Variants in NSF observed in about 807,000 individuals in gnomAD.
NSF encodes vesicle-fusing ATPase.
A neutral mutation model predicts 50.3 loss-of-function variants in NSF; 14 were observed. The observed-to-expected ratio is 0.28, with a 90% CI of 0.18 to 0.44. The LOEUF (loss-of-function observed/expected upper bound fraction) is 0.44, where lower values mean the gene tolerates loss of function less well. NSF is among the 20% of genes least tolerant of loss of function. The probability of loss-of-function intolerance (pLI) is 1.00; values close to 1 mark genes in which losing one functional copy is unlikely to be tolerated. For missense variants in NSF, 218 were observed against 504.3 expected (o/e 0.43, Z 5.44); for synonymous variants, 109 against 175.7 (o/e 0.62, Z 3.00).
intron 17 of NSF, among the ~76,000 whole-genome samples, chr17:46,747,878 G>A (rs569372171): frequency 1.3e-5 from 2 of 152,214 alleles, no homozygotes; most frequent in East Asian, 1.9e-4. Context: ...CTGAATGATT[G>A]GAATTTCCAG....
intron 18 of NSF, among the ~76,000 whole-genome samples, chr17:46,750,647 GC>G (rs751976726): frequency 4.6e-5 from 7 of 152,182 alleles, no homozygotes; most frequent in Non-Finnish European, 8.8e-5. Context: ...AATGTAGGCA[GC>G]TACAAACTGC....
chr17:46,734,637 A>G (rs972087207), intron 17 of NSF, among the ~76,000 whole-genome samples: 8 of 152,194 alleles, frequency 5.3e-5, no homozygotes, highest in African/African-American at 1.9e-4. Context: ...TAGTGAATGT[A>G]TAGTGATCAA....
At chr17:46,621,394 C>T (rs1251218694) in intron 1 of NSF, among the ~76,000 whole-genome samples, 1 of 129,534 alleles carries the variant, frequency 7.7e-6, no homozygotes, top group Admixed American at 8.0e-5. Flanking sequence ...TCACGCCTTT[C>T]TCCTGCCTCA....
chr17:46,599,925 G>T, intron 1 of NSF, among the ~76,000 whole-genome samples: 3 of 120,100 alleles, frequency 2.5e-5, no homozygotes, highest in Non-Finnish European at 3.3e-5. Flanking sequence ...ACTCTTCTTT[G>T]TATTGCTCCT....
At chr17:46,740,004 GAAT>G (rs2146318928) in intron 17 of NSF, among the ~76,000 whole-genome samples, 1 of 152,278 alleles carries the variant, frequency 6.6e-6, no homozygotes, top group African/African-American at 2.4e-5. Context: ...AAAGAAATTA[GAAT>G]AATACTTTCA....
intron 17 of NSF, 68 bp from the exon 18 acceptor site, chr17:46,749,705 C>G: frequency 7.1e-7 from 1 of 1,411,200 alleles, no homozygotes; most frequent in Non-Finnish European, 9.5e-7. Context: ...AAATTGTGTT[C>G]AAGCTTACTG....
intron 14 of NSF, chr17:46,713,332 G>A (rs1224647129): frequency 6.5e-6 from 1 of 153,186 alleles, no homozygotes; most frequent in Non-Finnish European, 1.5e-5. Context: ...TCCAAAACAG[G>A]GAAGGGAAGG....
intron 17 of NSF, among the ~76,000 whole-genome samples, chr17:46,731,375 G>A (rs1041401536): frequency 6.6e-6 from 1 of 152,066 alleles, no homozygotes; most frequent in Admixed American, 6.5e-5. Flanking sequence ...AATGGGTATG[G>A]GGTTTCTTTT....
chr17:46,754,568 ATC>A (rs2059215118), intron 19 of NSF, among the ~76,000 whole-genome samples: 1 of 152,264 alleles, frequency 6.6e-6, no homozygotes, highest in Non-Finnish European at 1.5e-5. Context: ...ATAACTTCAT[ATC>A]TCCTGTGGGC....
At chr17:46,735,311 A>T (rs1052097915) in intron 17 of NSF, among the ~76,000 whole-genome samples, 3 of 152,168 alleles carry the variant, frequency 2.0e-5, no homozygotes, top group Non-Finnish European at 2.9e-5. Flanking sequence ...GCTAGAATGT[A>T]TTCTTCCAGA....
chr17:46,680,721 AT>A (rs1248339255), intron 9 of NSF, among the ~76,000 whole-genome samples: 3 of 83,338 alleles, frequency 3.6e-5, no homozygotes, highest in Non-Finnish European at 7.1e-5. Flanking sequence ...ATCCTCTATA[AT>A]AAATTCTCTA....
intron 19 of NSF, among the ~76,000 whole-genome samples, chr17:46,753,332 A>C (rs2059202196): frequency 6.6e-6 from 1 of 152,238 alleles, no homozygotes; most frequent in African/African-American, 2.4e-5. Context: ...TGGAAACGTG[A>C]AGTGAATGCT....
At position 46,719,685 on chromosome 17, in the gene NSF, C is replaced by A. The variant is rs2058808797; in HGVS notation, c.1761+5699C>A. ...ATTTTTAAATTTTAATTCCTTTATC[C>A]ATTTTTGCATCAATACTTGTTTAAA... On this transcript the variant is annotated intron_variant, in intron 15 of 20. Transcript: ENST00000398238. This position sits in a 1 kb window ranked among gnomAD's most constrained non-coding sequence, Gnocchi z 4.3. Among the ~76,000 whole-genome samples, 1 of 152,076 alleles carries A rather than the reference C, an allele frequency of 6.6e-6. No homozygotes were observed. The highest frequency in any genetic ancestry group is 2.1e-4 in the South Asian group (1 of 4,820).
intron 1 of NSF, among the ~76,000 whole-genome samples, chr17:46,595,688 T>C (rs1035010374): frequency 2.6e-5 from 3 of 113,294 alleles, no homozygotes; most frequent in Non-Finnish European, 4.8e-5. Flanking sequence ...GACAGGGTTT[T>C]ACCACATTGG....
intron 15 of NSF, among the ~76,000 whole-genome samples, chr17:46,714,223 TAAG>T (rs1216541712): frequency 6.6e-6 from 1 of 152,220 alleles, no homozygotes; most frequent in Non-Finnish European, 1.5e-5. Flanking sequence ...TAATACATAT[TAAG>T]TTTCATTGCC....
chr17:46,737,564 T>TGTGTGTGC (rs2059018947), intron 17 of NSF, among the ~76,000 whole-genome samples: 2 of 95,916 alleles, frequency 2.1e-5, no homozygotes, highest in Non-Finnish European at 4.8e-5. Flanking sequence ...TCACCTAGGG[T>TGTGTGTGC]GTGTGTGCGT....
chr17:46,748,176 T>C (rs2059149989), intron 17 of NSF, among the ~76,000 whole-genome samples: 1 of 152,104 alleles, frequency 6.6e-6, no homozygotes, highest in African/African-American at 2.4e-5. Flanking sequence ...GGCGTGATCT[T>C]GGCTCGGCTC....
chr17:46,721,925 C>T (rs200006112), intron 15 of NSF: 5 of 1,592,780 alleles, frequency 3.1e-6, no homozygotes, highest in African/African-American at 2.7e-5. Flanking sequence ...CTCCAATTCG[C>T]GTACTAGCCG....
chr17:46,676,331 C>G (rs938359980), intron 9 of NSF, among the ~76,000 whole-genome samples: 16 of 137,734 alleles, frequency 1.2e-4, no homozygotes, highest in Admixed American at 2.2e-4. Flanking sequence ...CTCCCAGGTT[C>G]AAGCAATTCT....
Sources: gnomAD v4.1 joint callset for allele counts (sites outside exome capture counted in the v4.1 genomes callset) on GRCh38, gnomAD v4.1.1 for gene constraint, Gnocchi (gnomAD v3.1) non-coding constraint, MANE v1.5 for transcripts, NCBI Gene and HGNC (gene_info 2026-07-23, HGNC 2026-07-21) for gene names.